The following ENOX1 variants were observed in gnomAD, a reference collection of about 807,000 sequenced individuals.
ENOX1 encodes the protein ecto-NOX disulfide-thiol exchanger 1.
ENOX1 carries 42 observed loss-of-function variants against 82.5 expected under a neutral mutation model. That is an observed-to-expected ratio of 0.51 (90% CI 0.40 to 0.66). The LOEUF (loss-of-function observed/expected upper bound fraction) is 0.66, where lower values mean the gene tolerates loss of function less well. Ranked by LOEUF, ENOX1 falls within the 30% of genes least tolerant of loss-of-function variation. The pLI, the probability that ENOX1 is intolerant of heterozygous loss-of-function variation, is 0.00. For missense variants in ENOX1, 608 were observed against 811.6 expected (o/e 0.75, Z 3.05); for synonymous variants, 271 against 282.2 (o/e 0.96, Z 0.40).
intron 9 of ENOX1, among the ~76,000 whole-genome samples, chr13:43,343,176 T>G (rs1333629396): frequency 6.6e-6 from 1 of 152,372 alleles, no homozygotes; most frequent in South Asian, 2.1e-4. Flanking sequence ...TGTTTTACTA[T>G]GCTCTCTCTC....
At chr13:43,739,242 G>A (rs1437056800) in intron 1 of ENOX1, among the ~76,000 whole-genome samples, 1 of 152,094 alleles carries the variant, frequency 6.6e-6, no homozygotes, top group Non-Finnish European at 1.5e-5. Context: ...TTAACACAAT[G>A]TTATCAATTA....
chr13:43,780,080 G>GA (rs1266524077), intron 1 of ENOX1, among the ~76,000 whole-genome samples: 1 of 151,412 alleles, frequency 6.6e-6, no homozygotes, highest in African/African-American at 2.4e-5. Context: ...AGAATGGCGT[G>GA]AACCCGGGAG....
At chr13:43,433,062 G>T (rs1049323466) in intron 3 of ENOX1, among the ~76,000 whole-genome samples, 8 of 152,072 alleles carry the variant, frequency 5.3e-5, no homozygotes, top group African/African-American at 1.9e-4. Context: ...TCTGTTTAGG[G>T]TTGCTATAAC....
intron 5 of ENOX1, among the ~76,000 whole-genome samples, chr13:43,369,024 G>A (rs9567165): frequency 0.16 from 21,138 of 130,596 alleles, 2,647 homozygotes; most frequent in African/African-American, 0.34. Context: ...TCCTGACATT[G>A]CCCATTCTTT....
At chr13:43,396,669 C>T (rs2053172771) in intron 5 of ENOX1, among the ~76,000 whole-genome samples, 1 of 152,218 alleles carries the variant, frequency 6.6e-6, no homozygotes, top group Admixed American at 6.5e-5. Context: ...GCATGAGCCA[C>T]CAGTCCCGGC....
intron 1 of ENOX1, among the ~76,000 whole-genome samples, chr13:43,750,765 T>C (rs1950269467): frequency 6.6e-6 from 1 of 152,182 alleles, no homozygotes; most frequent in Non-Finnish European, 1.5e-5. Flanking sequence ...TAATGTTCCA[T>C]GCGATCAAAT....
At chr13:43,754,082 A>G (rs148806522) in intron 1 of ENOX1, among the ~76,000 whole-genome samples, 3 of 138,514 alleles carry the variant, frequency 2.2e-5, no homozygotes, top group Middle Eastern at 3.7e-3. Context: ...ATAAATACAC[A>G]TATATACGTA....
At chr13:43,458,460 T>C (rs2057325339) in intron 3 of ENOX1, 1 of 152,188 alleles carries the variant, frequency 6.6e-6, no homozygotes, top group African/African-American at 2.4e-5. Flanking sequence ...TTTTTAGGCA[T>C]CGCATCACTG....
chr13:43,371,338 C>T (rs2051229568), intron 5 of ENOX1, among the ~76,000 whole-genome samples: 1 of 152,156 alleles, frequency 6.6e-6, no homozygotes, highest in African/African-American at 2.4e-5. Flanking sequence ...TGGGGACACT[C>T]CAAATATATG....
intron 11 of ENOX1, among the ~76,000 whole-genome samples, chr13:43,303,284 C>G (rs541666110): frequency 6.6e-6 from 1 of 152,354 alleles, no homozygotes; most frequent in South Asian, 2.1e-4. Flanking sequence ...ATCCTGCCTC[C>G]TGCTCCACTA....
At chr13:43,233,525 C>T (rs2042381722) in intron 15 of ENOX1, among the ~76,000 whole-genome samples, 1 of 152,148 alleles carries the variant, frequency 6.6e-6, no homozygotes, top group Non-Finnish European at 1.5e-5. Flanking sequence ...CCCTTTTGCC[C>T]AGATAAATCA....
intron 13 of ENOX1, 64 bp from the exon 14 acceptor site, chr13:43,265,518 T>C: frequency 1.5e-6 from 2 of 1,355,582 alleles, no homozygotes. Flanking sequence ...ATCTCTTAAG[T>C]ATATCATCTT....
At chr13:43,317,013 T>C (rs745334) in intron 11 of ENOX1, among the ~76,000 whole-genome samples, 46,235 of 152,140 alleles carry the variant, frequency 0.3, 7,326 homozygotes, top group East Asian at 0.56. Flanking sequence ...CTGGTCTATT[T>C]CTCTTTCAGG....
chr13:43,600,367 C>G (rs1188305236), intron 2 of ENOX1, among the ~76,000 whole-genome samples: 1 of 152,114 alleles, frequency 6.6e-6, no homozygotes, highest in East Asian at 1.9e-4. Flanking sequence ...GCCCTTGGGT[C>G]TTGAAGGAAC....
At chr13:43,367,429 A>G (rs1401905366) in intron 5 of ENOX1, among the ~76,000 whole-genome samples, 1 of 152,206 alleles carries the variant, frequency 6.6e-6, no homozygotes, top group Non-Finnish European at 1.5e-5. Context: ...ATGATCTAAT[A>G]TGACTGCTGT....
At chr13:43,330,164 A>G (rs1433007194) in intron 9 of ENOX1, among the ~76,000 whole-genome samples, 6 of 152,242 alleles carry the variant, frequency 3.9e-5, no homozygotes, top group Non-Finnish European at 7.3e-5. Context: ...ATACAATAAA[A>G]CCTGTTAAGA....
intron 12 of ENOX1, among the ~76,000 whole-genome samples, chr13:43,279,168 C>T (rs1316877551): frequency 1.3e-5 from 2 of 152,182 alleles, no homozygotes; most frequent in Non-Finnish European, 2.9e-5. Flanking sequence ...GTGTGAAAGA[C>T]AGATGCTTCG....
chr13:43,445,224 C>T (rs373214137), intron 3 of ENOX1, among the ~76,000 whole-genome samples: 1 of 150,808 alleles, frequency 6.6e-6, no homozygotes, highest in Non-Finnish European at 1.5e-5. Context: ...CCTGGGTTCA[C>T]ACCATTCTCC....
At chr13:43,327,389 G>A (rs2153531123) in intron 9 of ENOX1, among the ~76,000 whole-genome samples, 1 of 152,296 alleles carries the variant, frequency 6.6e-6, no homozygotes, top group South Asian at 2.1e-4. Flanking sequence ...CTACTGGACT[G>A]GTAAATGTTG....
Sources: allele counts gnomAD v4.1 joint callset (sites outside exome capture counted in the v4.1 genomes callset), GRCh38; gene constraint gnomAD v4.1.1; transcripts MANE v1.5; gene names NCBI Gene and HGNC (gene_info 2026-07-23, HGNC 2026-07-21).